The following ANXA8 variants were observed in gnomAD, a reference collection of about 807,000 sequenced individuals.
ANXA8 encodes the protein VAC-beta.
In ANXA8, 9 loss-of-function variants were observed where a neutral mutation model predicts 26.8. The observed-to-expected ratio is 0.34, with a 90% CI of 0.20 to 0.59. The LOEUF is 0.59. Ranked by LOEUF, ANXA8 falls within the 20% of genes least tolerant of loss-of-function variation. The probability of loss-of-function intolerance (pLI) is 0.84; values close to 1 mark genes in which losing one functional copy is unlikely to be tolerated. For synonymous variants in ANXA8, 39 were observed against 94.8 expected, an observed-to-expected ratio of 0.41 and a Z score of 3.42; for missense variants, 83 against 238.5, an observed-to-expected ratio of 0.35 and a Z score of 4.29.
chr10:47,680,569 A>G, the ANXA8 span, among the ~76,000 whole-genome samples: 2 of 151,780 alleles, frequency 1.3e-5, no homozygotes, highest in Admixed American at 6.6e-5. Flanking sequence ...TGGGAGGCAG[A>G]GGTTGCAGTG....
At chr10:47,644,395 A>T in the ANXA8 span, among the ~76,000 whole-genome samples, 1 of 151,848 alleles carries the variant, frequency 6.6e-6, no homozygotes, top group African/African-American at 2.4e-5. Flanking sequence ...TAATCTCTAT[A>T]CAACTGTTCA....
the ANXA8 span, among the ~76,000 whole-genome samples, chr10:47,658,559 A>T: frequency 1.4e-5 from 2 of 143,550 alleles, no homozygotes; most frequent in Non-Finnish European, 3.0e-5. Flanking sequence ...AGAAAAATCT[A>T]TAGGGATTTC....
In ANXA8 at chr10:47,484,100, C is replaced by A; in HGVS notation, c.-167G>T. On this transcript the variant is annotated 5_prime_UTR_variant, in exon 1 of 12. The change creates a new upstream start codon in the 5' untranslated region. Transcript: ENST00000585281. ...CAGCGCCACACCTGCCTGCCGTCCC[C>A]TCGCCCCCGGGCTCTGCCTGGCTTT... is the stretch of plus-strand genomic sequence containing the variant. 6.4e-7 allele frequency: 1 copy of A among 1,569,470 alleles called. No homozygotes were observed. The highest frequency in any genetic ancestry group is 1.4e-5 in the African/African-American group (1 of 73,470).
chr10:47,744,247 T>C, the ANXA8 span, among the ~76,000 whole-genome samples: 1 of 149,554 alleles, frequency 6.7e-6, no homozygotes, highest in South Asian at 2.1e-4. Flanking sequence ...TCTCTGTCTT[T>C]TTTGAGGTGT....
the ANXA8 span, among the ~76,000 whole-genome samples, chr10:47,969,016 G>A: frequency 2.0e-5 from 3 of 147,836 alleles, no homozygotes; most frequent in Admixed American, 6.8e-5. Flanking sequence ...TTTGTTCTGG[G>A]ATTACCTCTA....
At chr10:47,744,158 C>G in the ANXA8 span, among the ~76,000 whole-genome samples, 2 of 148,096 alleles carry the variant, frequency 1.4e-5, no homozygotes, top group Non-Finnish European at 3.0e-5. Context: ...GGTGCTGCAC[C>G]GGCAGGAGCG....
the ANXA8 span, among the ~76,000 whole-genome samples, chr10:47,562,886 G>A: frequency 1.3e-5 from 2 of 150,496 alleles, no homozygotes; most frequent in Admixed American, 6.6e-5. Flanking sequence ...TTAGACATAC[G>A]GTATTTTGAA....
the ANXA8 span, among the ~76,000 whole-genome samples, chr10:47,700,747 C>G: frequency 6.6e-6 from 1 of 151,008 alleles, no homozygotes; most frequent in Non-Finnish European, 1.5e-5. Context: ...TAACATACAA[C>G]AAAAGGCTAA....
the ANXA8 span, among the ~76,000 whole-genome samples, chr10:47,968,447 TTCCA>T: frequency 1.4e-5 from 2 of 140,142 alleles, no homozygotes; most frequent in Middle Eastern, 3.5e-3. Flanking sequence ...CCAAAATTGC[TTCCA>T]TCATTACCAA....
the ANXA8 span, among the ~76,000 whole-genome samples, chr10:47,497,815 G>GT: frequency 6.6e-6 from 1 of 150,772 alleles, no homozygotes; most frequent in African/African-American, 2.4e-5. Flanking sequence ...GCATGTGCCT[G>GT]TAAGTTCCAG....
chr10:47,667,137 CTT>C, the ANXA8 span, among the ~76,000 whole-genome samples: 2 of 152,036 alleles, frequency 1.3e-5, no homozygotes. Flanking sequence ...ATTCTCTTTT[CTT>C]TTCTCCTGCA....
At chr10:47,939,231 A>G in the ANXA8 span, among the ~76,000 whole-genome samples, 1 of 135,626 alleles carries the variant, frequency 7.4e-6, no homozygotes, top group Non-Finnish European at 1.5e-5. Flanking sequence ...TGAACCCAGG[A>G]GGCGGAGGTT....
intron 11 of ANXA8, 66 bp from the exon 12 acceptor site, chr10:47,468,972 G>A: frequency 6.4e-7 from 1 of 1,571,980 alleles, no homozygotes. Flanking sequence ...AGTGGCGGCT[G>A]TGTTATTATG....
the ANXA8 span, among the ~76,000 whole-genome samples, chr10:47,736,860 G>C: frequency 1.7e-4 from 26 of 150,172 alleles, no homozygotes; most frequent in Non-Finnish European, 3.1e-4. Flanking sequence ...TTGCCATGTT[G>C]GCCAGGCTAG....
chr10:47,674,710 T>C, the ANXA8 span, among the ~76,000 whole-genome samples: 1 of 151,920 alleles, frequency 6.6e-6, no homozygotes, highest in South Asian at 2.1e-4. Flanking sequence ...TGTCTCTTCT[T>C]CCTCATTTAT....
chr10:47,577,956 A>G, the ANXA8 span, among the ~76,000 whole-genome samples: 2 of 35,440 alleles, frequency 5.6e-5, 1 homozygote, highest in Non-Finnish European at 1.4e-4. Context: ...AGCCGAGGTC[A>G]CACCCGATTG....
chr10:47,767,820 G>A, the ANXA8 span, among the ~76,000 whole-genome samples: 358 of 150,478 alleles, frequency 2.4e-3, 3 homozygotes, highest in African/African-American at 8.4e-3. Context: ...GCTAAGTCTG[G>A]GGCCATGGAA....
the ANXA8 span, among the ~76,000 whole-genome samples, chr10:47,661,859 C>G: frequency 6.9e-6 from 1 of 145,812 alleles, no homozygotes; most frequent in Non-Finnish European, 1.5e-5. Flanking sequence ...AAAGGGATAC[C>G]AAAATAATCA....
chr10:47,624,207 C>A, the ANXA8 span, among the ~76,000 whole-genome samples: 12 of 83,052 alleles, frequency 1.4e-4, 1 homozygote, highest in African/African-American at 7.1e-4. Flanking sequence ...GCGCCACTGC[C>A]ACTCCAGCCT....
Sources: gnomAD v4.1 joint callset for allele counts (sites outside exome capture counted in the v4.1 genomes callset) on GRCh38, gnomAD v4.1.1 for gene constraint, MANE v1.5 for transcripts, NCBI Gene and HGNC (gene_info 2026-07-23, HGNC 2026-07-21) for gene names.